The following PRKCB variants were observed in gnomAD, a reference collection of about 807,000 sequenced individuals.
PRKCB encodes the protein protein kinase C beta type.
A neutral mutation model predicts 81.5 loss-of-function variants in PRKCB; 13 were observed. That is an observed-to-expected ratio of 0.16 (90% confidence interval 0.10 to 0.25). The LOEUF is 0.25. Among genes scored for constraint, PRKCB ranks in the 10% least tolerant of loss-of-function variants. PRKCB has a pLI of 1.00. For synonymous variants in PRKCB, 335 were observed against 321.4 expected (o/e 1.04, Z -0.45); for missense variants, 509 against 875.7 (o/e 0.58, Z 5.29).
At chr16:24,093,949 G>A (rs12446432) in intron 6 of PRKCB, among the ~76,000 whole-genome samples, 8,421 of 152,302 alleles carry the variant, frequency 0.055, 683 homozygotes, top group African/African-American at 0.18. Flanking sequence ...GTCATAGCCA[G>A]TCTAAGACCT....
intron 7 of PRKCB, among the ~76,000 whole-genome samples, chr16:24,112,334 G>C (rs1351080612): frequency 1.3e-5 from 2 of 152,154 alleles, no homozygotes; most frequent in Admixed American, 1.3e-4. Flanking sequence ...TTCAAGACTA[G>C]TCTGAGAAAC....
intron 3 of PRKCB, among the ~76,000 whole-genome samples, chr16:24,017,822 C>G (rs190430092): frequency 6.6e-6 from 1 of 151,722 alleles, no homozygotes; most frequent in Non-Finnish European, 1.5e-5. Context: ...CTTGAACTCC[C>G]GGCCTCAAGT....
chr16:24,099,085 CATAATA>C (rs907970150), intron 7 of PRKCB: 2 of 152,032 alleles, frequency 1.3e-5, no homozygotes, highest in Admixed American at 6.6e-5. Flanking sequence ...CAGGAGGAAA[CATAATA>C]ATAATAATTA....
In PRKCB at chr16:24,212,141, A is replaced by G. The variant is rs150528852; in HGVS notation, c.1864-2517A>G. On this transcript the variant is annotated intron_variant, in intron 16 of 16. Coordinates refer to ENST00000643927, the MANE Select transcript of PRKCB (RefSeq NM_002738.7). ...TCTGAAAGATATTTTAGTTATACCA[A>G]TGCCCTTCACCTGGGGTTTCTCCCA... Among the ~76,000 whole-genome samples, 597 of 152,202 alleles carry G rather than the reference A, an allele frequency of 3.9e-3. 2 individuals are homozygous for G. The highest frequency in any genetic ancestry group is 0.013 in the African/African-American group (551 of 41,528).
At chr16:24,046,666 C>T (rs2141866280) in intron 5 of PRKCB, among the ~76,000 whole-genome samples, 1 of 152,038 alleles carries the variant, frequency 6.6e-6, no homozygotes, top group East Asian at 1.9e-4. Flanking sequence ...CAGGAACTGA[C>T]AGCCAGTGGG....
At chr16:23,971,250 G>A (rs1404149915) in intron 2 of PRKCB, among the ~76,000 whole-genome samples, 1 of 152,170 alleles carries the variant, frequency 6.6e-6, no homozygotes, top group Non-Finnish European at 1.5e-5. Context: ...AAAATTCCCT[G>A]TGGATGAAGT....
intron 2 of PRKCB, among the ~76,000 whole-genome samples, chr16:23,918,522 G>A (rs182599724): frequency 5.3e-5 from 8 of 151,980 alleles, no homozygotes; most frequent in Admixed American, 3.9e-4. Flanking sequence ...TCAGCCACCC[G>A]AGTAGCTGGG....
intron 2 of PRKCB, among the ~76,000 whole-genome samples, chr16:23,936,123 A>G (rs1964054256): frequency 6.6e-6 from 1 of 151,910 alleles, no homozygotes; most frequent in Non-Finnish European, 1.5e-5. Context: ...ATATCTTTTC[A>G]GAAATCTTTT....
intron 10 of PRKCB, among the ~76,000 whole-genome samples, chr16:24,156,863 C>A (rs1041963586): frequency 6.6e-6 from 1 of 152,146 alleles, no homozygotes; most frequent in Non-Finnish European, 1.5e-5. Context: ...TTGACATCAT[C>A]AGGCAAAGGA....
rs188389753 is a variant in PRKCB at position 23,858,646 on chromosome 16, T to C, written c.205+21240T>C. Among the ~76,000 whole-genome samples, 298 of 152,270 alleles carry C rather than the reference T, an allele frequency of 2.0e-3. 5 individuals are homozygous for C. The highest frequency in any genetic ancestry group is 0.017 in the Admixed American group (261 of 15,296). On this transcript the variant is annotated intron_variant, in intron 2 of 16. Transcript: ENST00000643927. ...GTGGCTTCTAGTTTGAGGACTTTCATTGGCCACGTGATCACAGTAGGCTGA... is the reference window on the plus strand; with the variant it reads ...GTGGCTTCTAGTTTGAGGACTTTCACTGGCCACGTGATCACAGTAGGCTGA...
At chr16:23,875,684 C>T (rs62031694) in intron 2 of PRKCB, among the ~76,000 whole-genome samples, 26,457 of 34,150 alleles carry the variant, frequency 0.77, 10,618 homozygotes, top group African/African-American at 0.84. Flanking sequence ...ATATCACACA[C>T]ATATATGTAT....
Position 23,836,241 on chromosome 16 carries a change from C to T in PRKCB, c.66C>T (p.Arg22=), listed in dbSNP as rs775089575. The T allele has an allele frequency of 6.2e-7, 1 of 1,600,990 alleles. No homozygotes were observed. The highest frequency in any genetic ancestry group is 1.7e-5 in the Admixed American group (1 of 59,460). ...EGEESTVRFA[R]KGALRQKNVH... ...AGGAGAGCACCGTGCGCTTCGCCCGCAAAGGCGCCCTCCGGCAGAAGAACG... is the reference window on the plus strand; with the variant it reads ...AGGAGAGCACCGTGCGCTTCGCCCGTAAAGGCGCCCTCCGGCAGAAGAACG... Residue 22 remains arginine, a synonymous_variant, in exon 1 of 17, where the codon CGC becomes CGT. Transcript: ENST00000643927.
At chr16:24,092,135 C>T (rs879481943) in intron 5 of PRKCB, among the ~76,000 whole-genome samples, 2 of 152,200 alleles carry the variant, frequency 1.3e-5, no homozygotes, top group Non-Finnish European at 2.9e-5. Context: ...TTCATCACCT[C>T]TAAAAGAAAC....
intron 2 of PRKCB, among the ~76,000 whole-genome samples, chr16:23,863,112 A>G (rs1050166240): frequency 2.9e-4 from 43 of 148,110 alleles, no homozygotes; most frequent in African/African-American, 1.1e-3. Context: ...TATAACATAT[A>G]TGATCATATA....
chr16:23,985,943 G>A (rs1964797745), intron 2 of PRKCB, among the ~76,000 whole-genome samples: 2 of 152,114 alleles, frequency 1.3e-5, no homozygotes, highest in South Asian at 4.1e-4. Context: ...AATAAAGTTG[G>A]CATTTGAAAT....
intron 3 of PRKCB, 145 bp downstream of exon 3, chr16:23,988,735 T>A: frequency 1.3e-6 from 1 of 752,172 alleles, no homozygotes; most frequent in Non-Finnish European, 2.1e-6. Context: ...GAGACAGTTT[T>A]CCTTTTAGTG....
chr16:23,976,400 T>A (rs929236761), intron 2 of PRKCB, among the ~76,000 whole-genome samples: 1 of 152,160 alleles, frequency 6.6e-6, no homozygotes, highest in African/African-American at 2.4e-5. Flanking sequence ...TCTTTCCTAA[T>A]AATTCCAGCA....
Position 24,217,992 on chromosome 16 carries a change from C to T in PRKCB, c.*3176C>T. The T allele has an allele frequency of 4.1e-6, 4 of 985,156 alleles. No homozygotes were observed. Among genetic ancestry groups the T allele is most frequent in the Non-Finnish European group, 4.8e-6 (4 of 829,848 alleles). 61.0% of individuals were successfully genotyped at this position (985,156 alleles called of 1,614,324 possible). A position where few individuals can be genotyped will look rare whatever the true frequency, so the allele number is the denominator to read the frequency against. Reference sequence around the variant, plus strand: ...CTGGCTCGGGGACAATTATAAGTTGCAAAAAGGATAGAGGCATATCCCAAG... The same window carrying T: ...CTGGCTCGGGGACAATTATAAGTTGTAAAAAGGATAGAGGCATATCCCAAG... On this transcript the variant is annotated 3_prime_UTR_variant, in exon 17 of 17. Transcript: ENST00000643927.
chr16:23,847,129 T>A (rs540457939), intron 2 of PRKCB, among the ~76,000 whole-genome samples: 290 of 152,276 alleles, frequency 1.9e-3, no homozygotes, highest in Non-Finnish European at 3.3e-3. Flanking sequence ...CATAGCTGTG[T>A]TCCTGGGGTG....
Sources: allele counts gnomAD v4.1 joint callset (sites outside exome capture counted in the v4.1 genomes callset), GRCh38; gene constraint gnomAD v4.1.1; transcripts MANE v1.5; gene names NCBI Gene and HGNC (gene_info 2026-07-23, HGNC 2026-07-21).